The following TNIP3 variants were observed in gnomAD, a reference collection of about 807,000 sequenced individuals.
TNIP3 encodes the protein TNFAIP3 interacting protein 3, also known as TNFAIP3-interacting protein 3.
A neutral mutation model predicts 54.1 loss-of-function variants in TNIP3; 34 were observed. The ratio of observed to expected loss-of-function variants is 0.63; its 90% CI spans 0.48 to 0.84. The LOEUF is 0.84. Ranked by LOEUF, TNIP3 falls within the 40% of genes least tolerant of loss-of-function variation. TNIP3 has a pLI of 0.00. For missense variants in TNIP3, 366 were observed against 387.6 expected (o/e 0.94, Z 0.47); for synonymous variants, 134 against 136.8 (o/e 0.98, Z 0.14).
Position 121,132,181 on chromosome 4 carries a change from C to T in TNIP3, c.*450G>A, listed in dbSNP as rs572209150. 4.3e-4 allele frequency: 67 copies of T among 155,530 alleles called. No homozygotes were observed. In the South Asian group the frequency reaches 5.7e-3, roughly 13 times the overall value. 9.6% of individuals were successfully genotyped at this position (155,530 alleles called of 1,614,324 possible). On this transcript the variant is annotated 3_prime_UTR_variant, in exon 11 of 11. Coordinates refer to ENST00000057513, the MANE Select transcript of TNIP3 (RefSeq NM_024873.6). ...GAAGAAGAATGGGAGCAATGTTAAACGTTTACAACTGCAGAAATTTTTACC... is the reference window on the plus strand; with the variant it reads ...GAAGAAGAATGGGAGCAATGTTAAATGTTTACAACTGCAGAAATTTTTACC...
rs139659031 is a variant in TNIP3 at position 121,148,212 on chromosome 4, T to C, written c.610-1038A>G. ...GGCCAAGATTCCAACTCAGTTTCTT[T>C]GTGCATTTAAACCCTTTAGTGTTTC... On this transcript the variant is annotated intron_variant, in intron 6 of 10. Coordinates refer to ENST00000057513, the MANE Select transcript of TNIP3 (RefSeq NM_024873.6). Among the ~76,000 whole-genome samples the C allele has an allele frequency of 1.9e-4, 29 of 152,358 alleles. No individual in the cohort carries two copies. In the East Asian group the frequency reaches 3.9e-3, roughly 20 times the overall value.
chr4:121,165,977 C>T (rs946749262), upstream of TNIP3, among the ~76,000 whole-genome samples: 2 of 152,106 alleles, frequency 1.3e-5, no homozygotes, highest in African/African-American at 4.8e-5. Flanking sequence ...CATACACACT[C>T]CATAGTTTTA....
chr4:121,137,288 A>G (rs556354303), intron 10 of TNIP3, among the ~76,000 whole-genome samples: 1 of 152,216 alleles, frequency 6.6e-6, no homozygotes, highest in Non-Finnish European at 1.5e-5. Context: ...TTATTATACC[A>G]TAATAGATTT....
chr4:121,196,508 A>G (rs762449385), intron 2 of TNIP3, among the ~76,000 whole-genome samples: 3 of 152,220 alleles, frequency 2.0e-5, no homozygotes, highest in Admixed American at 6.5e-5. Context: ...TAGAAATCAT[A>G]ACAATTAAAT....
chr4:121,141,683 C>A (rs1479571187), intron 9 of TNIP3, 133 bp downstream of exon 9: 1 of 515,218 alleles, frequency 1.9e-6, no homozygotes, highest in African/African-American at 2.0e-5. Flanking sequence ...ACCACTCCAA[C>A]TTTGCAAGTT....
chr4:121,163,312 G>A (rs149489923), intron 1 of TNIP3, among the ~76,000 whole-genome samples: 7 of 152,252 alleles, frequency 4.6e-5, no homozygotes, highest in Non-Finnish European at 1.0e-4. Flanking sequence ...AAATACAAAG[G>A]TTTGGGGGAC....
At chr4:121,151,546 T>C (rs1190566653) in intron 5 of TNIP3, among the ~76,000 whole-genome samples, 3 of 152,252 alleles carry the variant, frequency 2.0e-5, no homozygotes, top group Admixed American at 6.5e-5. Context: ...ATAATTTATG[T>C]TTTTTGAGGA....
chr4:121,139,867 T>A (rs1729011529), intron 9 of TNIP3, among the ~76,000 whole-genome samples: 2 of 152,126 alleles, frequency 1.3e-5, no homozygotes, highest in Admixed American at 1.3e-4. Context: ...TCCAGGAGAG[T>A]TGCCAAGAGA....
intron 3 of TNIP3, among the ~76,000 whole-genome samples, chr4:121,170,484 G>C (rs562580179): frequency 1.3e-5 from 2 of 152,174 alleles, no homozygotes; most frequent in African/African-American, 4.8e-5. Context: ...GCCTGTTTCC[G>C]TGTATTTTCT....
intron 8 of TNIP3, 51 bp from the exon 9 acceptor site, chr4:121,141,965 T>C (rs375785946): frequency 2.6e-5 from 34 of 1,297,780 alleles, no homozygotes; most frequent in African/African-American, 9.0e-5. Context: ...GACTGAGGAG[T>C]TGCAGTGACA....
At chr4:121,202,646 C>G (rs1413474335) in intron 2 of TNIP3, among the ~76,000 whole-genome samples, 1 of 151,032 alleles carries the variant, frequency 6.6e-6, no homozygotes, top group Non-Finnish European at 1.5e-5. Context: ...AACAGACAAC[C>G]CAGAGTGGGA....
chr4:121,225,232 C>A (rs977562898), intron 1 of TNIP3, among the ~76,000 whole-genome samples: 11 of 152,142 alleles, frequency 7.2e-5, no homozygotes, highest in African/African-American at 2.4e-4. Flanking sequence ...TGACTGTCAT[C>A]CAAGGTTTTT....
At chr4:121,148,625 C>G (rs548557644) in intron 6 of TNIP3, among the ~76,000 whole-genome samples, 24 of 152,266 alleles carry the variant, frequency 1.6e-4, no homozygotes, top group Admixed American at 9.2e-4. Context: ...GTTTATTTTT[C>G]AGCTATGTAT....
chr4:121,186,141 G>A (rs1725006213), intron 2 of TNIP3, among the ~76,000 whole-genome samples: 1 of 152,190 alleles, frequency 6.6e-6, no homozygotes, highest in African/African-American at 2.4e-5. Flanking sequence ...TGAGCGTGGT[G>A]ACTACAGCTT....
chr4:121,163,427 G>C (rs1033622069), intron 1 of TNIP3, among the ~76,000 whole-genome samples: 3 of 152,082 alleles, frequency 2.0e-5, no homozygotes, highest in Non-Finnish European at 4.4e-5. Context: ...GGCTGCTTAC[G>C]GAACAGTTAT....
At chr4:121,211,512 C>T (rs931626745) in intron 2 of TNIP3, among the ~76,000 whole-genome samples, 1 of 152,170 alleles carries the variant, frequency 6.6e-6, no homozygotes, top group Non-Finnish European at 1.5e-5. Context: ...ATTGAATTTT[C>T]CAAACTCTAG....
intron 3 of TNIP3, among the ~76,000 whole-genome samples, chr4:121,170,655 T>A (rs1345217756): frequency 6.6e-6 from 1 of 151,870 alleles, no homozygotes; most frequent in African/African-American, 2.4e-5. Context: ...TATGGGAAAA[T>A]TTTTTAAAGG....
intron 2 of TNIP3, among the ~76,000 whole-genome samples, chr4:121,202,550 A>T (rs886841962): frequency 6.6e-6 from 1 of 152,192 alleles, no homozygotes; most frequent in Admixed American, 6.5e-5. Flanking sequence ...CCAAGAACCC[A>T]AAACCAAATG....
At chr4:121,193,606 G>A (rs1725416962) in intron 2 of TNIP3, among the ~76,000 whole-genome samples, 1 of 152,036 alleles carries the variant, frequency 6.6e-6, no homozygotes, top group African/African-American at 2.4e-5. Context: ...TAAGACTGGT[G>A]GCTGAAAATT....
Sources: gnomAD v4.1 joint callset for allele counts (sites outside exome capture counted in the v4.1 genomes callset) on GRCh38, gnomAD v4.1.1 for gene constraint, MANE v1.5 for transcripts, NCBI Gene and HGNC (gene_info 2026-07-23, HGNC 2026-07-21) for gene names.